The following SPTBN4 variants were observed in gnomAD, a reference collection of about 807,000 sequenced individuals.
SPTBN4 encodes spectrin beta chain, non-erythrocytic 4.
In SPTBN4, 96 loss-of-function variants were observed where a neutral mutation model predicts 277.8. The observed-to-expected ratio is 0.35, with a 90% confidence interval of 0.29 to 0.41. SPTBN4 has a LOEUF of 0.41. SPTBN4 is among the 10% of genes least tolerant of loss of function. The probability of loss-of-function intolerance (pLI) is 1.00; values close to 1 mark genes in which losing one functional copy is unlikely to be tolerated. For missense variants in SPTBN4, 3,006 were observed against 3,595.7 expected, an observed-to-expected ratio of 0.84 and a Z score of 4.19; for synonymous variants, 1,481 against 1,580.3, an observed-to-expected ratio of 0.94 and a Z score of 1.49.
In SPTBN4 at chr19:40,470,782, G is replaced by A. The variant is rs1209780413; in HGVS notation, c.-15-1825G>A. 3.3e-5 allele frequency among the ~76,000 whole-genome samples: 5 copies of A among 150,002 alleles called. No individual in the cohort carries two copies. The South Asian group carries it at 6.3e-4, about 19-fold the overall frequency. On this transcript the variant is annotated intron_variant, in intron 1 of 35. Coordinates refer to ENST00000598249, the MANE Select transcript of SPTBN4 (RefSeq NM_020971.3). Reference sequence around the variant, plus strand: ...TGAGTAGCTGAGATTACAGTAGCCCGAAACCACACCCAGCTAATTTTTGTA... The same window carrying A: ...TGAGTAGCTGAGATTACAGTAGCCCAAAACCACACCCAGCTAATTTTTGTA...
chr19:40,476,681 G>A (rs2079951708), intron 2 of SPTBN4, among the ~76,000 whole-genome samples: 1 of 152,018 alleles, frequency 6.6e-6, no homozygotes, highest in Admixed American at 6.6e-5. Context: ...TCCGCCTCCT[G>A]GGTTCATGCC....
rs1213319892 is a variant in SPTBN4 at position 40,567,649 on chromosome 19, C to T, written c.6337-14C>T. 2.8e-6 allele frequency: 4 copies of T among 1,435,260 alleles called. No individual in the cohort carries two copies. Among genetic ancestry groups the T allele is most frequent in the Non-Finnish European group, 3.7e-6 (4 of 1,087,056 alleles). The allele number at this position is 1,435,260 out of a possible 1,614,324, so 88.9% of individuals were successfully genotyped here. On this transcript the variant is annotated splice_polypyrimidine_tract_variant and intron_variant, in intron 30 of 35. Transcript: ENST00000598249. ...CCCACGCCTCCAACCTAACCCTGGT[C>T]CCTCCATCCTCAGATCGAGAAAATC...
At chr19:40,475,836 A>G (rs1008951095) in intron 2 of SPTBN4, among the ~76,000 whole-genome samples, 6 of 147,720 alleles carry the variant, frequency 4.1e-5, no homozygotes, top group African/African-American at 1.5e-4. Flanking sequence ...GCTTGAGCCC[A>G]GGAGTTCGAG....
intron 27 of SPTBN4, among the ~76,000 whole-genome samples, chr19:40,561,832 A>G (rs1166495518): frequency 6.6e-6 from 1 of 152,112 alleles, no homozygotes; most frequent in Non-Finnish European, 1.5e-5. Context: ...CAAAAAAAAA[A>G]AAAAGAAAAG....
chr19:40,536,363 G>A (rs547796026), intron 20 of SPTBN4, among the ~76,000 whole-genome samples: 2 of 152,164 alleles, frequency 1.3e-5, no homozygotes, highest in South Asian at 2.1e-4. Context: ...ACAGGCATGT[G>A]CCACCACACC....
At position 40,474,699 on chromosome 19, in the gene SPTBN4, A is replaced by G. The variant is rs528859131; in HGVS notation, c.169+1909A>G. ...TGGATCACTTGAGATCAGGAGTTTG[A>G]GACCAGCCTGACCAATATGGTGACA... On this transcript the variant is annotated intron_variant, in intron 2 of 35. Coordinates refer to ENST00000598249, the MANE Select transcript of SPTBN4 (RefSeq NM_020971.3). 6.4e-4 allele frequency among the ~76,000 whole-genome samples: 97 copies of G among 152,078 alleles called. 1 individual carries two copies. The highest frequency in any genetic ancestry group is 1.2e-3 in the Non-Finnish European group (81 of 67,970).
chr19:40,554,530 C>A lies in SPTBN4; in HGVS notation c.4968C>A (p.Thr1656=). ...SEDKGKDEQS[T]LQLLKKHLQL... ...TGTGCCCCCAGGACGAACAGAGCACCCTGCAGCTGCTCAAGAAACACCTGC... is the reference window on the plus strand; with the variant it reads ...TGTGCCCCCAGGACGAACAGAGCACACTGCAGCTGCTCAAGAAACACCTGC... Residue 1656 remains threonine (T), a synonymous_variant, in exon 24 of 36, where the codon ACC becomes ACA. Coordinates refer to ENST00000598249, the MANE Select transcript of SPTBN4 (RefSeq NM_020971.3). This position sits in a 1 kb window ranked among gnomAD's most constrained non-coding sequence, Gnocchi z 5.7. 6.7e-7 allele frequency: 1 copy of A among 1,486,070 alleles called. No individual in the cohort carries two copies. The highest frequency in any genetic ancestry group is 1.4e-5 in the South Asian group (1 of 72,958). The allele number at this position is 1,486,070 out of a possible 1,614,324, so 92.1% of individuals were successfully genotyped here. A position where few individuals can be genotyped will look rare whatever the true frequency, so the allele number is the denominator to read the frequency against.
At chr19:40,562,810 G>T (rs960401853) in intron 27 of SPTBN4, among the ~76,000 whole-genome samples, 14 of 152,100 alleles carry the variant, frequency 9.2e-5, no homozygotes, top group Admixed American at 9.2e-4. Flanking sequence ...CTCCAGCCTG[G>T]GCAACAAGAG....
chr19:40,555,571 G>A (rs542373075), intron 24 of SPTBN4, among the ~76,000 whole-genome samples: 4 of 151,994 alleles, frequency 2.6e-5, no homozygotes, highest in African/African-American at 9.6e-5. Context: ...ATCCATTTAG[G>A]GAAGCGGAGC....
At position 40,494,995 on chromosome 19, in the gene SPTBN4, AC is replaced by A; in HGVS notation, c.668+19del. ...CGGCACAGGTACCACCTGGCCTGGG[AC>A]AGCCCAGTCCTGCCCTTCAGCCCCC... On this transcript the variant is annotated intron_variant, in intron 6 of 35. Transcript: ENST00000598249. 6.2e-7 allele frequency: 1 copy of A among 1,613,252 alleles called. No homozygotes were observed. Among genetic ancestry groups the A allele is most frequent in the Non-Finnish European group, 8.5e-7 (1 of 1,179,228 alleles).
chr19:40,531,030 T>TTTC (rs1441724088), intron 18 of SPTBN4, among the ~76,000 whole-genome samples: 1 of 149,866 alleles, frequency 6.7e-6, no homozygotes, highest in African/African-American at 2.5e-5. Context: ...TGGAGGTGAA[T>TTTC]CACTTTTGGG....
intron 22 of SPTBN4, among the ~76,000 whole-genome samples, chr19:40,550,704 G>A (rs1424200596): frequency 6.6e-6 from 1 of 151,682 alleles, no homozygotes; most frequent in Non-Finnish European, 1.5e-5. Flanking sequence ...ACGGCGGGGG[G>A]TGGGGTGTTT....
At position 40,568,077 on chromosome 19, in the gene SPTBN4, C is replaced by T; in HGVS notation, c.6751C>T (p.Arg2251Trp). The T allele has an allele frequency of 2.6e-6, 4 of 1,562,316 alleles. No homozygotes were observed. The highest frequency in any genetic ancestry group is 3.5e-6 in the Non-Finnish European group (4 of 1,153,964). ...GCTGCCCAGGAGGCGGCGGCCTGAG[C>T]GGCAAGAGTCAGTCGATCAATCCGA... Reference protein sequence around the residue: ...EELPRRRRPERQESVDQSEEA... With the variant: ...EELPRRRRPEWQESVDQSEEA... The change falls in exon 31 of 36, where the codon CGG (arginine) becomes TGG (tryptophan). Residue 2251 changes from arginine (R) to tryptophan (W), a missense_variant. This residue lies in a region of SPTBN4 where 630 missense variants were observed against 677.6 expected (regional missense o/e 0.93). Coordinates refer to ENST00000598249, the MANE Select transcript of SPTBN4 (RefSeq NM_020971.3).
At chr19:40,494,651 CATCT>C (rs1156612244) in intron 5 of SPTBN4, among the ~76,000 whole-genome samples, 70 of 151,874 alleles carry the variant, frequency 4.6e-4, no homozygotes, top group African/African-American at 1.6e-3. Flanking sequence ...ACCTATTTAT[CATCT>C]ATCTATGTAT....
rs762466469 is a variant in SPTBN4 at position 40,512,931 on chromosome 19, G to C, written c.2142G>C (p.Leu714Phe). ...LQGELGGRRALLQQALRCGEE... is the reference protein window; with the variant it reads ...LQGELGGRRAFLQQALRCGEE... ...GCGAGCTGGGCGGGCGGCGAGCGTTGCTGCAGCAGGCCCTGCGGTGTGGCG... is the reference window on the plus strand; with the variant it reads ...GCGAGCTGGGCGGGCGGCGAGCGTTCCTGCAGCAGGCCCTGCGGTGTGGCG... Residue 714 changes from leucine to phenylalanine, a missense_variant, in exon 14 of 36, where the codon TTG (leucine) becomes TTC (phenylalanine). Transcript: ENST00000598249. 4.9e-6 allele frequency: 7 copies of C among 1,422,380 alleles called. No individual in the cohort carries two copies. The African/African-American group carries it at 1.1e-4, about 22-fold the overall frequency. 88.1% of individuals were successfully genotyped at this position (1,422,380 alleles called of 1,614,324 possible).
intron 20 of SPTBN4, among the ~76,000 whole-genome samples, chr19:40,537,251 C>T (rs1021993351): frequency 6.6e-6 from 1 of 152,118 alleles, no homozygotes; most frequent in African/African-American, 2.4e-5. Context: ...CTCAGGTGAT[C>T]GGCCTGCCTT....
chr19:40,514,245 G>A (rs2080428450), intron 14 of SPTBN4, among the ~76,000 whole-genome samples: 1 of 152,228 alleles, frequency 6.6e-6, no homozygotes, highest in African/African-American at 2.4e-5. Context: ...GGGCACTGCT[G>A]GAAACACAGG....
intron 2 of SPTBN4, among the ~76,000 whole-genome samples, chr19:40,483,599 G>T (rs932791695): frequency 6.6e-6 from 1 of 152,152 alleles, no homozygotes; most frequent in African/African-American, 2.4e-5. Context: ...GTTTGTGTCA[G>T]TGTGGGTTTT....
At chr19:40,562,042 T>C (rs2081047820) in intron 27 of SPTBN4, among the ~76,000 whole-genome samples, 1 of 151,778 alleles carries the variant, frequency 6.6e-6, no homozygotes, top group African/African-American at 2.4e-5. Context: ...TAGTTAGGCA[T>C]GTGTGAGGAA....
Sources: allele counts gnomAD v4.1 joint callset (sites outside exome capture counted in the v4.1 genomes callset), GRCh38; gene constraint gnomAD v4.1.1; regional missense constraint gnomAD v4.1.1; non-coding constraint Gnocchi (gnomAD v3.1); transcripts MANE v1.5; gene names NCBI Gene and HGNC (gene_info 2026-07-23, HGNC 2026-07-21).